The following TREM1 variants were observed in gnomAD, a reference collection of about 807,000 sequenced individuals.
The protein encoded by TREM1 is triggering receptor expressed on monocytes 1.
A neutral mutation model predicts 22.4 loss-of-function variants in TREM1; 16 were observed. That is an observed-to-expected ratio of 0.71 (90% CI 0.48 to 1.08). TREM1 has a LOEUF of 1.08. TREM1 is among the 50% of genes least tolerant of loss of function. The pLI is 0.00. For missense variants in TREM1, 283 were observed against 282.9 expected, an observed-to-expected ratio of 1.00 and a Z score of 0.00; for synonymous variants, 110 against 111.6, an observed-to-expected ratio of 0.99 and a Z score of 0.09.
intron 1 of TREM1, among the ~76,000 whole-genome samples, chr6:41,282,974 C>T (rs1768000289): frequency 6.6e-6 from 1 of 151,956 alleles, no homozygotes; most frequent in South Asian, 2.1e-4. Flanking sequence ...GCATATGGTG[C>T]ATGAGGATCA....
intron 1 of TREM1, among the ~76,000 whole-genome samples, chr6:41,283,624 A>C (rs1768026008): frequency 6.6e-6 from 1 of 152,116 alleles, no homozygotes; most frequent in African/African-American, 2.4e-5. Flanking sequence ...AGGTGGGAGA[A>C]TCACTTGAAC....
In TREM1 at chr6:41,282,530, G is replaced by C; in HGVS notation, c.271C>G (p.His91Asp). Residue 91 changes from histidine to aspartate, a missense_variant, in exon 2 of 4, where the codon CAT becomes GAT. His to Asp is a moderately conservative substitution (Grantham distance 81). Transcript: ENST00000244709. ...CGGACGCGCAGTAAACCATGATCATGGTAGTCTTCTAGTATGATCCTCCCC... is the reference window on the plus strand; with the variant it reads ...CGGACGCGCAGTAAACCATGATCATCGTAGTCTTCTAGTATGATCCTCCCC... ...QVGRIILEDY[H>D]DHGLLRVRMV... 1 of 1,614,128 alleles carries C rather than the reference G, an allele frequency of 6.2e-7. No individual in the cohort carries two copies. Among genetic ancestry groups the C allele is most frequent in the Non-Finnish European group, 8.5e-7 (1 of 1,180,022 alleles).
intron 3 of TREM1, chr6:41,279,845 C>A (rs1224447724): frequency 2.0e-6 from 2 of 984,814 alleles, no homozygotes; most frequent in African/African-American, 3.5e-5. Flanking sequence ...TATTTGTATA[C>A]AAAATGATAT....
chr6:41,276,437 T>C (rs1392490564), intron 3 of TREM1, among the ~76,000 whole-genome samples: 2 of 152,174 alleles, frequency 1.3e-5, no homozygotes, highest in Non-Finnish European at 2.9e-5. Context: ...TATAGGTCCC[T>C]GTCCAGGAGA....
intron 1 of TREM1, 33 bp from the exon 2 acceptor site, chr6:41,282,784 G>A: frequency 1.9e-6 from 3 of 1,555,112 alleles, no homozygotes; most frequent in Non-Finnish European, 1.7e-6. Flanking sequence ...GGTTCTGTGA[G>A]GAATTATTTT....
chr6:41,268,775 A>C (rs9369269), downstream of TREM1, among the ~76,000 whole-genome samples: 30,987 of 152,098 alleles, frequency 0.2, 3,970 homozygotes, highest in East Asian at 0.53. Flanking sequence ...GTATTTATGT[A>C]ACAAAGAGGC....
In TREM1 at chr6:41,279,563, A is replaced by T. The variant is rs1270281982; in HGVS notation, c.599+1398T>A. 8 of 985,478 alleles carry T rather than the reference A, an allele frequency of 8.1e-6. No individual in the cohort carries two copies. In the East Asian group the frequency reaches 6.8e-4, roughly 84 times the overall value. 61.0% of individuals were successfully genotyped at this position (985,478 alleles called of 1,614,324 possible). A position where few individuals can be genotyped will look rare whatever the true frequency, so the allele number is the denominator to read the frequency against. On this transcript the variant is annotated intron_variant, in intron 3 of 3. Coordinates refer to ENST00000244709, the MANE Select transcript of TREM1 (RefSeq NM_018643.5). The stretch of plus-strand genomic sequence containing the variant: ...AGATCATTCGTTTGATTTATTCCAC[A>T]GAAGTTTAATGAGCACTTTGTTCCC...
chr6:41,268,886 C>G (rs542851981), downstream of TREM1, among the ~76,000 whole-genome samples: 3 of 152,170 alleles, frequency 2.0e-5, no homozygotes, highest in African/African-American at 4.8e-5. Context: ...TGTCAGTGAC[C>G]GGGTATCCTT....
In TREM1 at chr6:41,276,219, A is replaced by G; in HGVS notation, c.611T>C (p.Phe204Ser). 6.2e-7 allele frequency: 1 copy of G among 1,613,990 alleles called. No individual in the cohort carries two copies. ...NVTDIIRVPV[F>S]NIVILLAGGF... ...ACCAGCCAGGAGAATGACAATGTTG[A>G]ACACCGGAACCCTGCGGGAGACAAG... The change falls in exon 4 of 4, where the codon TTC (phenylalanine) becomes TCC (serine). Residue 204 changes from phenylalanine to serine, a missense_variant. By Grantham distance (155) the Phe-to-Ser change is radical. Coordinates refer to ENST00000244709, the MANE Select transcript of TREM1 (RefSeq NM_018643.5).
chr6:41,278,288 T>C (rs1767751018), intron 3 of TREM1, among the ~76,000 whole-genome samples: 2 of 152,138 alleles, frequency 1.3e-5, no homozygotes, highest in Admixed American at 1.3e-4. Context: ...GATAGGGTGA[T>C]AGTGGCTACC....
At chr6:41,270,983 G>A (rs1767466142), downstream of TREM1, among the ~76,000 whole-genome samples, 1 of 152,162 alleles carries the variant, frequency 6.6e-6, no homozygotes, top group African/African-American at 2.4e-5. Context: ...TGGGATTACA[G>A]GTGCGAGCCA....
chr6:41,272,023 C>A (rs1436125779), downstream of TREM1, among the ~76,000 whole-genome samples: 2 of 152,218 alleles, frequency 1.3e-5, no homozygotes, highest in Non-Finnish European at 2.9e-5. Context: ...TGCCGGCTGG[C>A]CCAGGGCCTC....
chr6:41,280,061 C>T, intron 3 of TREM1: 4 of 965,594 alleles, frequency 4.1e-6, no homozygotes, highest in Non-Finnish European at 4.9e-6. Context: ...GTAGCAGCAT[C>T]AAAGAATAAT....
In TREM1 at chr6:41,274,461, T is replaced by C. The variant is rs1767585514; in HGVS notation, c.*1664A>G. On this transcript the variant is annotated 3_prime_UTR_variant, in exon 4 of 4. Coordinates refer to ENST00000244709, the MANE Select transcript of TREM1 (RefSeq NM_018643.5). ...TAAACAGGAACAATGCTGGGATTGC[T>C]AAAGTGTGGGGTTCCAGACCAGCAA... is the stretch of plus-strand genomic sequence containing the variant. Among the ~76,000 whole-genome samples the C allele has an allele frequency of 6.6e-6, 1 of 152,158 alleles. No homozygotes were observed. The highest frequency in any genetic ancestry group is 6.5e-5 in the Admixed American group (1 of 15,288).
At chr6:41,280,297 A>G in intron 3 of TREM1, 1 of 983,590 alleles carries the variant, frequency 1.0e-6, no homozygotes, top group Non-Finnish European at 1.2e-6. Context: ...TTGCTAAGTT[A>G]GTGGTTCTTA....
intron 2 of TREM1, 79 bp downstream of exon 2, chr6:41,282,316 C>T (rs1046367942): frequency 8.6e-6 from 10 of 1,157,904 alleles, no homozygotes; most frequent in South Asian, 1.4e-5. Context: ...GAATCCTGAA[C>T]CCCAGCTCTG....
downstream of TREM1, among the ~76,000 whole-genome samples, chr6:41,269,652 C>T (rs1164762154): frequency 6.6e-6 from 1 of 152,178 alleles, no homozygotes; most frequent in Non-Finnish European, 1.5e-5. Flanking sequence ...CCTTGTCTTA[C>T]AGGTGAGAAA....
chr6:41,279,452 AAGT>A, intron 3 of TREM1: 1 of 916,492 alleles, frequency 1.1e-6, no homozygotes, highest in Non-Finnish European at 1.3e-6. Context: ...CTTCCGGTAA[AAGT>A]AAGAATATGG....
chr6:41,282,599 C>T lies in TREM1; in HGVS notation c.202G>A (p.Ala68Thr), dbSNP rs1353897223. Residue 68 changes from alanine (A) to threonine (T), a missense_variant, in exon 2 of 4, where the codon GCA (alanine) becomes ACA (threonine). By Grantham distance (58) the Ala-to-Thr change is moderately conservative. Transcript: ENST00000244709. ...IRDGEMPKTL[A>T]CTERPSKNSH... Reference sequence around the variant, plus strand: ...TTCTTTGAAGGCCTCTCTGTGCATGCCAGGGTCTTGGGCATCTCTCCGTCC... The same window carrying T: ...TTCTTTGAAGGCCTCTCTGTGCATGTCAGGGTCTTGGGCATCTCTCCGTCC... The T allele has an allele frequency of 6.2e-6, 10 of 1,614,102 alleles. No individual in the cohort carries two copies. Among genetic ancestry groups the T allele is most frequent in the East Asian group, 2.2e-5 (1 of 44,898 alleles).
Sources: gnomAD v4.1 joint callset for allele counts (sites outside exome capture counted in the v4.1 genomes callset) on GRCh38, gnomAD v4.1.1 for gene constraint, MANE v1.5 for transcripts, NCBI Gene and HGNC (gene_info 2026-07-23, HGNC 2026-07-21) for gene names.